SMOC2: variants seen among roughly 807,000 people sequenced by gnomAD.
SMOC2 encodes SPARC related modular calcium binding 2.
A neutral mutation model predicts 61.4 loss-of-function variants in SMOC2; 39 were observed. The ratio of observed to expected loss-of-function variants is 0.64; its 90% confidence interval spans 0.49 to 0.83. The LOEUF (loss-of-function observed/expected upper bound fraction) is 0.83. Ranked by LOEUF, SMOC2 falls within the 40% of genes least tolerant of loss-of-function variation. The pLI, the probability that SMOC2 is intolerant of heterozygous loss-of-function variation, is 0.00. For synonymous variants in SMOC2, 247 were observed against 239.9 expected (o/e 1.03, Z -0.27); for missense variants, 556 against 592.9 (o/e 0.94, Z 0.65).
chr6:168,487,168 A>T (rs1782356484), intron 1 of SMOC2, among the ~76,000 whole-genome samples: 1 of 152,266 alleles, frequency 6.6e-6, no homozygotes, highest in Admixed American at 6.5e-5. Context: ...GTTCCAGACA[A>T]ATCTTTTTCC....
intron 9 of SMOC2, among the ~76,000 whole-genome samples, chr6:168,635,870 CAAAAA>C (rs373754531): frequency 7.3e-6 from 1 of 136,938 alleles, no homozygotes; most frequent in Non-Finnish European, 1.6e-5. Flanking sequence ...GACTCTGTCT[CAAAAA>C]AAAAAAAAAA....
intron 7 of SMOC2, among the ~76,000 whole-genome samples, chr6:168,595,707 G>A (rs906350331): frequency 3.9e-5 from 6 of 152,152 alleles, no homozygotes; most frequent in Non-Finnish European, 7.3e-5. Context: ...CATCAACCAC[G>A]ATGTTTATAT....
intron 9 of SMOC2, among the ~76,000 whole-genome samples, chr6:168,623,934 C>T (rs561292961): frequency 3.9e-5 from 6 of 152,288 alleles, no homozygotes; most frequent in Admixed American, 2.6e-4. Context: ...GAGAGAGGCG[C>T]GCTCACCTGC....
intron 7 of SMOC2, among the ~76,000 whole-genome samples, chr6:168,560,169 T>C (rs1387780999): frequency 1.3e-5 from 2 of 152,248 alleles, no homozygotes; most frequent in Non-Finnish European, 2.9e-5. Context: ...CCCTTTTATG[T>C]ACCTGCAGCC....
At chr6:168,518,660 T>C (rs1783218223) in intron 2 of SMOC2, among the ~76,000 whole-genome samples, 1 of 150,100 alleles carries the variant, frequency 6.7e-6, no homozygotes, top group African/African-American at 2.4e-5. Flanking sequence ...TGGGTGTGTA[T>C]GTATGGAGAG....
At chr6:168,595,559 G>T (rs551210441) in intron 7 of SMOC2, among the ~76,000 whole-genome samples, 1 of 152,156 alleles carries the variant, frequency 6.6e-6, no homozygotes, top group Admixed American at 6.5e-5. Context: ...CCCAGGGGCC[G>T]TCATCAGTTT....
At chr6:168,519,434 C>T (rs543669944) in intron 2 of SMOC2, among the ~76,000 whole-genome samples, 1 of 152,260 alleles carries the variant, frequency 6.6e-6, no homozygotes, top group South Asian at 2.1e-4. Context: ...GAAACTCTAC[C>T]CAGAGTATGT....
intron 3 of SMOC2, 37 bp downstream of exon 3, chr6:168,526,489 G>T: frequency 1.3e-6 from 2 of 1,546,446 alleles, no homozygotes; most frequent in Non-Finnish European, 1.8e-6. Flanking sequence ...GCACCTGTGC[G>T]ATTAGGGAGG....
Position 168,453,402 on chromosome 6 carries a change from T to C in SMOC2, c.84+11948T>C, listed in dbSNP as rs1429324685. On this transcript the variant is annotated intron_variant, in intron 1 of 12. Transcript: ENST00000356284. The surrounding 1 kb of genome is among the most constrained non-coding windows in gnomAD (Gnocchi z 4.4). ...AACAAAAAGGAGAAAAGAATTTCCC[T>C]GGCAAAGCCAAGTGGAGAGTTAGAG... Among the ~76,000 whole-genome samples, 2 of 152,222 alleles carry C rather than the reference T, an allele frequency of 1.3e-5. No individual in the cohort carries two copies. The highest frequency in any genetic ancestry group is 2.4e-5 in the African/African-American group (1 of 41,464).
chr6:168,502,920 C>G (rs944444074), intron 1 of SMOC2, among the ~76,000 whole-genome samples: 1 of 151,738 alleles, frequency 6.6e-6, no homozygotes, highest in Non-Finnish European at 1.5e-5. Context: ...GTGTGTGTCA[C>G]CACGCCTGGC....
At chr6:168,611,223 TGTGGCTCCC>T (rs1785852592) in intron 9 of SMOC2, among the ~76,000 whole-genome samples, 2 of 112,958 alleles carry the variant, frequency 1.8e-5, no homozygotes, top group Admixed American at 8.6e-5. Flanking sequence ...CGGGCCTGGC[TGTGGCTCCC>T]ATGTCTGGCC....
At chr6:168,441,796 T>A (rs1268451505) in intron 1 of SMOC2, among the ~76,000 whole-genome samples, 1 of 152,022 alleles carries the variant, frequency 6.6e-6, no homozygotes, top group African/African-American at 2.4e-5. Context: ...CCCGGACAAG[T>A]GGGAGCTGCG....
At chr6:168,546,697 C>A (rs1784011854) in intron 5 of SMOC2, among the ~76,000 whole-genome samples, 1 of 152,100 alleles carries the variant, frequency 6.6e-6, no homozygotes, top group Non-Finnish European at 1.5e-5. Context: ...GTTAAGGGCA[C>A]AGGGCTCTGC....
chr6:168,454,464 A>C (rs1469215511), intron 1 of SMOC2, among the ~76,000 whole-genome samples: 1 of 151,956 alleles, frequency 6.6e-6, no homozygotes, highest in Non-Finnish European at 1.5e-5. Context: ...ACTTCACAGC[A>C]CGAAACCCAG....
chr6:168,544,153 C>T lies in SMOC2; in HGVS notation c.511+481C>T, dbSNP rs1424564516. Among the ~76,000 whole-genome samples, 1 of 152,160 alleles carries T rather than the reference C, an allele frequency of 6.6e-6. No homozygotes were observed. The highest frequency in any genetic ancestry group is 1.5e-5 in the Non-Finnish European group (1 of 68,026). Reference sequence around the variant, plus strand: ...GAACCCTTAACCTTAAACATCATGTCGCAGCCTGCAGGTCCTGTTTCGGGG... The same window carrying T: ...GAACCCTTAACCTTAAACATCATGTTGCAGCCTGCAGGTCCTGTTTCGGGG... On this transcript the variant is annotated intron_variant, in intron 5 of 12. Transcript: ENST00000356284. This position sits in a 1 kb window ranked among gnomAD's most constrained non-coding sequence, Gnocchi z 4.1.
chr6:168,529,333 G>C (rs76353381), intron 4 of SMOC2, among the ~76,000 whole-genome samples: 270 of 152,310 alleles, frequency 1.8e-3, no homozygotes, highest in Non-Finnish European at 3.2e-3. Flanking sequence ...AGGAAGCCAG[G>C]CGTGCGAGAT....
chr6:168,517,477 C>T (rs946120087), intron 2 of SMOC2, among the ~76,000 whole-genome samples: 1 of 152,226 alleles, frequency 6.6e-6, no homozygotes, highest in African/African-American at 2.4e-5. Context: ...CACTTCCCAG[C>T]GTGGACCTGA....
chr6:168,509,798 G>A, intron 1 of SMOC2, 117 bp from the exon 2 acceptor site: 1 of 962,220 alleles, frequency 1.0e-6, no homozygotes, highest in Non-Finnish European at 1.5e-6. Context: ...ACCGGGTGGT[G>A]TTATCCCTCA....
intron 7 of SMOC2, among the ~76,000 whole-genome samples, chr6:168,552,137 A>C (rs1784142760): frequency 6.6e-6 from 1 of 152,170 alleles, no homozygotes. Context: ...GTTCTTTCTG[A>C]GGGGCTGAAG....
Sources: gnomAD v4.1 joint callset for allele counts (sites outside exome capture counted in the v4.1 genomes callset) on GRCh38, gnomAD v4.1.1 for gene constraint, Gnocchi (gnomAD v3.1) non-coding constraint, MANE v1.5 for transcripts, NCBI Gene and HGNC (gene_info 2026-07-23, HGNC 2026-07-21) for gene names.